TMEM38A: variants seen among roughly 807,000 people sequenced by gnomAD.
TMEM38A encodes transmembrane protein 38A, also known as trimeric intracellular cation channel type A.
A neutral mutation model predicts 28.6 loss-of-function variants in TMEM38A; 17 were observed. The observed-to-expected ratio is 0.60, with a 90% CI of 0.41 to 0.89. The LOEUF (loss-of-function observed/expected upper bound fraction) is 0.89. Ranked by LOEUF, TMEM38A falls within the 40% of genes least tolerant of loss-of-function variation. The pLI, the probability that TMEM38A is intolerant of heterozygous loss-of-function variation, is 0.00. For missense variants in TMEM38A, 328 were observed against 393.1 expected (o/e 0.83, Z 1.40); for synonymous variants, 169 against 166.1 (o/e 1.02, Z -0.14).
At chr19:16,670,061 ATG>A (rs1252103799) in intron 1 of TMEM38A, among the ~76,000 whole-genome samples, 2 of 142,916 alleles carry the variant, frequency 1.4e-5, no homozygotes. Flanking sequence ...CCTCCGCCTC[ATG>A]GGTTCAAGCG....
At chr19:16,686,589 G>A (rs2086803038) in intron 5 of TMEM38A, among the ~76,000 whole-genome samples, 184 bp downstream of exon 5, 1 of 152,102 alleles carries the variant, frequency 6.6e-6, no homozygotes. Context: ...CAGCAGCCAG[G>A]ACACAGATGA....
At chr19:16,682,841 C>T (rs979303977) in intron 4 of TMEM38A, among the ~76,000 whole-genome samples, 7 of 152,072 alleles carry the variant, frequency 4.6e-5, no homozygotes, top group East Asian at 1.9e-4. Flanking sequence ...GCTGGGTGTG[C>T]GGGGTCAGGG....
chr19:16,687,873 G>C (rs2086808124), intron 5 of TMEM38A, among the ~76,000 whole-genome samples: 1 of 152,140 alleles, frequency 6.6e-6, no homozygotes, highest in Non-Finnish European at 1.5e-5. Context: ...CAGGTGTCGT[G>C]GGGAATTCTG....
intron 1 of TMEM38A, among the ~76,000 whole-genome samples, chr19:16,673,068 CTTTTTG>C (rs2086734604): frequency 6.6e-6 from 1 of 150,782 alleles, no homozygotes; most frequent in African/African-American, 2.5e-5. Context: ...TTTTCTTTTT[CTTTTTG>C]TTTGTTTGTT....
At chr19:16,665,662 A>G (rs1373285637) in intron 1 of TMEM38A, among the ~76,000 whole-genome samples, 1 of 152,158 alleles carries the variant, frequency 6.6e-6, no homozygotes, top group Non-Finnish European at 1.5e-5. Context: ...AGCGATTGTA[A>G]AGATCTATTG....
chr19:16,667,189 A>C (rs1452086304), intron 1 of TMEM38A, among the ~76,000 whole-genome samples: 1 of 151,726 alleles, frequency 6.6e-6, no homozygotes, highest in Non-Finnish European at 1.5e-5. Context: ...GAATCACTTG[A>C]ACCAGGGAGG....
chr19:16,686,534 T>C (rs1361812769), intron 5 of TMEM38A, 129 bp downstream of exon 5: 2 of 703,038 alleles, frequency 2.8e-6, no homozygotes, highest in Non-Finnish European at 5.0e-6. Context: ...AGAGGGGAGA[T>C]GCTTGCCAGT....
At chr19:16,672,110 G>A (rs2086730086) in intron 1 of TMEM38A, among the ~76,000 whole-genome samples, 1 of 152,124 alleles carries the variant, frequency 6.6e-6, no homozygotes, top group Non-Finnish European at 1.5e-5. Flanking sequence ...GCAGGGAGAA[G>A]CTGCATTTTG....
chr19:16,671,547 T>TG (rs1339816468), intron 1 of TMEM38A, among the ~76,000 whole-genome samples: 2 of 150,566 alleles, frequency 1.3e-5, no homozygotes, highest in East Asian at 2.0e-4. Flanking sequence ...AACTAAGGCT[T>TG]GGGGGGGCAG....
intron 4 of TMEM38A, 115 bp from the exon 5 acceptor site, chr19:16,686,173 G>A: frequency 2.8e-6 from 2 of 702,526 alleles, no homozygotes; most frequent in Non-Finnish European, 4.7e-6. Context: ...AAAAGGAAAA[G>A]AAAAGAGAGA....
chr19:16,680,102 C>T lies in TMEM38A; in HGVS notation c.243C>T (p.Phe81=). The change falls in exon 2 of 6, where the codon TTC becomes TTT. Residue 81 remains phenylalanine, a synonymous_variant. Coordinates refer to ENST00000187762, the MANE Select transcript of TMEM38A (RefSeq NM_024074.4). The stretch of plus-strand genomic sequence containing the variant: ...TTGGGGAGCCACTGATCGATTACTT[C>T]AGCAACAACTCCAGCATCCTGCTGG... ...LLLGEPLIDY[F]SNNSSILLAS... 2 of 1,610,766 alleles carry T rather than the reference C, an allele frequency of 1.2e-6. No individual in the cohort carries two copies. Among genetic ancestry groups the T allele is most frequent in the Non-Finnish European group, 1.7e-6 (2 of 1,180,012 alleles).
chr19:16,662,651 A>G (rs1180153080), intron 1 of TMEM38A, among the ~76,000 whole-genome samples: 1 of 151,410 alleles, frequency 6.6e-6, no homozygotes, highest in African/African-American at 2.4e-5. Context: ...ACAAGCCTTC[A>G]CCATGTTGGC....
rs1390265357 is a variant in TMEM38A, at chr19:16,675,442, A to G, written c.125-4542A>G. Among the ~76,000 whole-genome samples, 5 of 151,598 alleles carry G rather than the reference A, an allele frequency of 3.3e-5. No individual in the cohort carries two copies. In the East Asian group the frequency reaches 9.7e-4, roughly 29 times the overall value. Reference sequence around the variant, plus strand: ...AGAGATGAGATTTCACTATGTTCCCAGGGCTGGTCTGGAACTCCTAGGCTC... The same window carrying G: ...AGAGATGAGATTTCACTATGTTCCCGGGGCTGGTCTGGAACTCCTAGGCTC... On this transcript the variant is annotated intron_variant, in intron 1 of 5. Transcript: ENST00000187762.
At chr19:16,668,135 C>T (rs762337234) in intron 1 of TMEM38A, among the ~76,000 whole-genome samples, 1 of 151,846 alleles carries the variant, frequency 6.6e-6, no homozygotes, top group South Asian at 2.1e-4. Context: ...CTTAAACCTG[C>T]GAGGCGGAGG....
Position 16,689,932 on chromosome 19 carries a change from G to C in TMEM38A, c.*1561G>C, listed in dbSNP as rs2086819047. 1.3e-5 allele frequency: 2 copies of C among 152,258 alleles called. No homozygotes were observed. Among genetic ancestry groups the C allele is most frequent in the Admixed American group, 1.3e-4 (2 of 15,270 alleles). The allele number at this position is 152,258 out of a possible 1,614,324, so 9.4% of individuals were successfully genotyped here. Reference sequence around the variant, plus strand: ...AAATTGCCTTGTTCCTGTGATGCCTGGGAGTTAGGTGGGTCCTGGGGAGGT... The same window carrying C: ...AAATTGCCTTGTTCCTGTGATGCCTCGGAGTTAGGTGGGTCCTGGGGAGGT... On this transcript the variant is annotated 3_prime_UTR_variant, in exon 6 of 6. Transcript: ENST00000187762.
At chr19:16,671,924 A>G (rs916067413) in intron 1 of TMEM38A, among the ~76,000 whole-genome samples, 11 of 152,162 alleles carry the variant, frequency 7.2e-5, no homozygotes, top group Admixed American at 6.6e-4. Flanking sequence ...AGAGGTATCC[A>G]TTTCTGCAAA....
chr19:16,668,313 G>C (rs2086711888), intron 1 of TMEM38A, among the ~76,000 whole-genome samples: 1 of 151,948 alleles, frequency 6.6e-6, no homozygotes, highest in African/African-American at 2.4e-5. Context: ...GGGACACCAA[G>C]GCAGGCAGAT....
intron 1 of TMEM38A, among the ~76,000 whole-genome samples, chr19:16,662,676 T>C (rs1317492252): frequency 6.6e-6 from 1 of 151,854 alleles, no homozygotes; most frequent in Non-Finnish European, 1.5e-5. Flanking sequence ...ATAGTCTCGA[T>C]CTCCTGACCT....
At chr19:16,684,875 C>CA (rs35283603) in intron 4 of TMEM38A, among the ~76,000 whole-genome samples, 12,146 of 65,976 alleles carry the variant, frequency 0.18, 911 homozygotes, top group African/African-American at 0.34. Flanking sequence ...TCCATCTCTA[C>CA]AAAAAAAAAA....
Sources: allele counts gnomAD v4.1 joint callset (sites outside exome capture counted in the v4.1 genomes callset), GRCh38; gene constraint gnomAD v4.1.1; transcripts MANE v1.5; gene names NCBI Gene and HGNC (gene_info 2026-07-23, HGNC 2026-07-21).